The following AKT3 variants were observed in gnomAD, a reference collection of about 807,000 sequenced individuals.
AKT3 encodes the protein AKT serine/threonine kinase 3.
AKT3 carries 15 observed loss-of-function variants against 65.3 expected under a neutral mutation model. The ratio of observed to expected loss-of-function variants is 0.23; its 90% CI spans 0.15 to 0.35. The LOEUF (loss-of-function observed/expected upper bound fraction) is 0.35. Ranked by LOEUF, AKT3 falls within the 10% of genes least tolerant of loss-of-function variation. AKT3 has a pLI of 1.00. For missense variants in AKT3, 243 were observed against 576.5 expected, an observed-to-expected ratio of 0.42 and a Z score of 5.92; for synonymous variants, 206 against 183.8, an observed-to-expected ratio of 1.12 and a Z score of -0.98.
At chr1:243,497,627 A>G (rs995427167), downstream of AKT3, among the ~76,000 whole-genome samples, 5 of 152,162 alleles carry the variant, frequency 3.3e-5, no homozygotes, top group African/African-American at 1.2e-4. Context: ...ATGTAGACTC[A>G]TCATGAGAAA....
chr1:243,675,690 T>A (rs1009733736), intron 3 of AKT3, among the ~76,000 whole-genome samples: 7 of 152,226 alleles, frequency 4.6e-5, no homozygotes, highest in Non-Finnish European at 8.8e-5. Flanking sequence ...TTTTATCAGA[T>A]ATATTTTCCT....
chr1:243,766,854 A>T (rs769011312), intron 2 of AKT3, among the ~76,000 whole-genome samples: 6 of 152,192 alleles, frequency 3.9e-5, no homozygotes, highest in Non-Finnish European at 8.8e-5. Flanking sequence ...AAGTAGGTAG[A>T]AGATATGAAT....
chr1:243,647,571 G>T (rs142404716), intron 4 of AKT3, among the ~76,000 whole-genome samples: 10 of 152,220 alleles, frequency 6.6e-5, no homozygotes, highest in African/African-American at 2.4e-4. Flanking sequence ...GTACTTATTA[G>T]TATTTAAAAA....
intron 2 of AKT3, among the ~76,000 whole-genome samples, chr1:243,793,974 T>C (rs1215896865): frequency 6.6e-6 from 1 of 152,212 alleles, no homozygotes; most frequent in Non-Finnish European, 1.5e-5. Flanking sequence ...ATGGTAGAAG[T>C]AGGACTTGAA....
intron 2 of AKT3, among the ~76,000 whole-genome samples, chr1:243,775,748 A>G (rs1690507273): frequency 6.6e-6 from 1 of 152,230 alleles, no homozygotes; most frequent in Non-Finnish European, 1.5e-5. Flanking sequence ...ACCAAAATAT[A>G]TTTAAGATCC....
chr1:243,551,398 G>A (rs1008706825), intron 11 of AKT3, among the ~76,000 whole-genome samples: 1 of 152,108 alleles, frequency 6.6e-6, no homozygotes, highest in African/African-American at 2.4e-5. Context: ...TCTTGAATGA[G>A]TCTTCACAAA....
chr1:243,775,158 C>T (rs182988552), intron 2 of AKT3, among the ~76,000 whole-genome samples: 5 of 152,162 alleles, frequency 3.3e-5, no homozygotes, highest in East Asian at 1.9e-4. Context: ...CTACCGCACC[C>T]GTCCTTGTTC....
At position 243,635,354 on chromosome 1, in the gene AKT3, A is replaced by G. The variant is rs186831013; in HGVS notation, c.561+2257T>C. On this transcript the variant is annotated intron_variant, in intron 6 of 13. Coordinates refer to ENST00000673466, the MANE Select transcript of AKT3 (RefSeq NM_005465.7). Reference sequence around the variant, plus strand: ...AGAGAGATTGCAAATCAACAATCTAACTTTATAACTTAAGGAACTAGGAAA... The same window carrying G: ...AGAGAGATTGCAAATCAACAATCTAGCTTTATAACTTAAGGAACTAGGAAA... Among the ~76,000 whole-genome samples the G allele has an allele frequency of 6.5e-3, 987 of 152,072 alleles. 5 individuals are homozygous for G. Among genetic ancestry groups the G allele is most frequent in the Non-Finnish European group, 0.011 (761 of 67,850 alleles).
At chr1:243,712,906 G>A (rs1686250000) in intron 2 of AKT3, among the ~76,000 whole-genome samples, 1 of 152,092 alleles carries the variant, frequency 6.6e-6, no homozygotes, top group South Asian at 2.1e-4. Context: ...ATTAATGCTT[G>A]ATAAAAATGC....
chr1:243,660,192 T>C (rs1231962842), intron 4 of AKT3, among the ~76,000 whole-genome samples: 2 of 152,036 alleles, frequency 1.3e-5, no homozygotes, highest in Non-Finnish European at 2.9e-5. Context: ...TTCAACTTCT[T>C]CCTGGTTTAG....
At chr1:243,662,001 A>G (rs1468848516) in intron 4 of AKT3, among the ~76,000 whole-genome samples, 1 of 146,340 alleles carries the variant, frequency 6.8e-6, no homozygotes, top group Non-Finnish European at 1.5e-5. Context: ...CAAAACCACA[A>G]TGAGATACCA....
rs555992875 is a variant in AKT3, at chr1:243,515,933, C to T, written c.1252-3507G>A. 4.0e-4 allele frequency among the ~76,000 whole-genome samples: 61 copies of T among 151,348 alleles called. 1 individual carries two copies. The highest frequency in any genetic ancestry group is 1.2e-3 in the African/African-American group (48 of 41,116). On this transcript the variant is annotated intron_variant, in intron 12 of 13. Transcript: ENST00000673466. ...CGGAGCTTGCCATGAGCTGAGATCG[C>T]GTCACTGCACTCCAGCCTGGGCGAC...
intron 10 of AKT3, 65 bp from the exon 11 acceptor site, chr1:243,553,008 A>T: frequency 7.8e-7 from 1 of 1,277,898 alleles, no homozygotes. Context: ...TATTCATAAA[A>T]CATAAGATTT....
chr1:243,727,053 G>C (rs1239576332), intron 2 of AKT3, among the ~76,000 whole-genome samples: 1 of 152,040 alleles, frequency 6.6e-6, no homozygotes, highest in Non-Finnish European at 1.5e-5. Flanking sequence ...CATACCCCCA[G>C]GTTATGACAG....
Position 243,640,688 on chromosome 1 carries a change from A to G in AKT3, c.430-2946T>C, listed in dbSNP as rs1378894828. On this transcript the variant is annotated intron_variant, in intron 5 of 13. Coordinates refer to ENST00000673466, the MANE Select transcript of AKT3 (RefSeq NM_005465.7). The stretch of plus-strand genomic sequence containing the variant: ...CAGTCAGCACCAAGGCCCCAGACAC[A>G]TAAGGAAGGTTTTGTTGGATTTTCC... Among the ~76,000 whole-genome samples the G allele has an allele frequency of 3.3e-5, 5 of 152,264 alleles. No individual in the cohort carries two copies. The East Asian group carries it at 9.7e-4, about 29-fold the overall frequency.
intron 2 of AKT3, among the ~76,000 whole-genome samples, chr1:243,742,816 T>A (rs1312985761): frequency 6.6e-6 from 1 of 151,932 alleles, no homozygotes; most frequent in African/African-American, 2.4e-5. Flanking sequence ...TCACAAAAAA[T>A]TATGGGCATA....
chr1:243,847,761 A>C (rs1695579386), intron 1 of AKT3, among the ~76,000 whole-genome samples: 1 of 152,172 alleles, frequency 6.6e-6, no homozygotes, highest in African/African-American at 2.4e-5. Flanking sequence ...TTTTTAATTA[A>C]ACCAGCACAC....
intron 8 of AKT3, among the ~76,000 whole-genome samples, chr1:243,610,704 A>C (rs1458561358): frequency 6.6e-6 from 1 of 152,166 alleles, no homozygotes; most frequent in East Asian, 1.9e-4. Context: ...CACTCAGTTT[A>C]TTTTCCCAAA....
chr1:243,574,055 T>C (rs1378425617), intron 8 of AKT3, among the ~76,000 whole-genome samples: 2 of 152,122 alleles, frequency 1.3e-5, no homozygotes, highest in Non-Finnish European at 2.9e-5. Context: ...TACATGTCTG[T>C]GAAAAAAATG....
Sources: gnomAD v4.1 joint callset for allele counts (sites outside exome capture counted in the v4.1 genomes callset) on GRCh38, gnomAD v4.1.1 for gene constraint, MANE v1.5 for transcripts, NCBI Gene and HGNC (gene_info 2026-07-23, HGNC 2026-07-21) for gene names.